AFTPH: variants seen among roughly 807,000 people sequenced by gnomAD.
The protein encoded by AFTPH is aftiphilin protein.
AFTPH carries 7 observed loss-of-function variants against 72.5 expected under a neutral mutation model. The ratio of observed to expected loss-of-function variants is 0.10; its 90% CI spans 0.05 to 0.18. The LOEUF is 0.18. Among genes scored for constraint, AFTPH ranks in the 10% least tolerant of loss-of-function variants. The pLI, the probability that AFTPH is intolerant of heterozygous loss-of-function variation, is 1.00. For missense variants in AFTPH, 979 were observed against 1,060.5 expected (o/e 0.92, Z 1.07); for synonymous variants, 337 against 370.1 (o/e 0.91, Z 1.03).
chr2:64,526,159 T>C (rs547527644), intron 1 of AFTPH, among the ~76,000 whole-genome samples: 1 of 152,342 alleles, frequency 6.6e-6, no homozygotes, highest in East Asian at 1.9e-4. Context: ...ATGTCCTTAA[T>C]AGCCTTGATA....
chr2:64,571,584 T>G (rs1672435998), intron 5 of AFTPH, among the ~76,000 whole-genome samples: 1 of 152,216 alleles, frequency 6.6e-6, no homozygotes. Flanking sequence ...GCAAACTGTT[T>G]TAGTTAGTTT....
exon 2 of AFTPH, chr2:64,552,970 A>G: frequency 3.1e-6 from 5 of 1,614,182 alleles, no homozygotes; most frequent in Non-Finnish European, 4.2e-6. Flanking sequence ...ACAAAGTCAG[A>G]CCTAAAACAG....
intron 8 of AFTPH, among the ~76,000 whole-genome samples, chr2:64,590,226 A>G (rs1018409143): frequency 4.5e-4 from 68 of 152,188 alleles, no homozygotes; most frequent in African/African-American, 1.5e-3. Context: ...AGTAGCTTAT[A>G]TAAAGATTAG....
intron 2 of AFTPH, among the ~76,000 whole-genome samples, chr2:64,559,404 G>A (rs77479442): frequency 0.051 from 7,699 of 152,216 alleles, 443 homozygotes; most frequent in African/African-American, 0.14. Context: ...AGCTGATGGT[G>A]TAGTTCCAGT....
chr2:64,540,208 C>T (rs1212385173), intron 1 of AFTPH, among the ~76,000 whole-genome samples: 1 of 152,126 alleles, frequency 6.6e-6, no homozygotes, highest in Non-Finnish European at 1.5e-5. Context: ...CTAATTTATT[C>T]TGCATCTATA....
intron 7 of AFTPH, 118 bp from the exon 8 acceptor site, chr2:64,581,072 A>G: frequency 1.6e-6 from 1 of 614,940 alleles, no homozygotes; most frequent in Non-Finnish European, 2.9e-6. Context: ...ATGTGTAATG[A>G]TTACTAATTA....
rs202120166 is a variant in AFTPH, at chr2:64,579,500, C to T, written c.2409C>T (p.Pro803=). The T allele has an allele frequency of 8.5e-5, 137 of 1,613,654 alleles. 1 individual carries two copies. In the South Asian group the frequency reaches 1.0e-3, roughly 12 times the overall value. Reference sequence around the variant, plus strand: ...TTCAACTCTAGGAGTCTCTACCACCCGTCCAGTTTGACTGGAGTAGCAGTG... The same window carrying T: ...TTCAACTCTAGGAGTCTCTACCACCTGTCCAGTTTGACTGGAGTAGCAGTG... Residue 803 remains proline, a synonymous_variant, in exon 7 of 9, where the codon CCC becomes CCT. Coordinates refer to ENST00000238856, the Ensembl canonical transcript of AFTPH.
intron 8 of AFTPH, among the ~76,000 whole-genome samples, chr2:64,586,310 C>T (rs2104241756): frequency 6.6e-6 from 1 of 152,338 alleles, no homozygotes; most frequent in South Asian, 2.1e-4. Flanking sequence ...ATCTGTGATG[C>T]ATCAGCATTT....
chr2:64,579,853 C>T (rs549757844), intron 7 of AFTPH: 31 of 239,750 alleles, frequency 1.3e-4, no homozygotes, highest in African/African-American at 5.2e-4. Context: ...GACCAATTTA[C>T]CTTGAATTTT....
intron 1 of AFTPH, among the ~76,000 whole-genome samples, chr2:64,529,165 C>T (rs1441678591): frequency 6.6e-6 from 1 of 152,192 alleles, no homozygotes; most frequent in African/African-American, 2.4e-5. Context: ...TTCCAGCTTA[C>T]TGCCTGTACC....
At chr2:64,581,638 G>T (rs1374839521) in intron 7 of AFTPH, among the ~76,000 whole-genome samples, 1 of 150,908 alleles carries the variant, frequency 6.6e-6, no homozygotes, top group Non-Finnish European at 1.5e-5. Context: ...TACAAGTTTA[G>T]AGATAGATAG....
intron 7 of AFTPH, chr2:64,581,233 C>T (rs763394025): frequency 6.2e-6 from 10 of 1,601,486 alleles, no homozygotes; most frequent in South Asian, 1.1e-5. Context: ...TCTTTGGGCC[C>T]GTGGATGACA....
chr2:64,585,878 A>G (rs547078285), intron 8 of AFTPH, among the ~76,000 whole-genome samples: 1 of 147,288 alleles, frequency 6.8e-6, no homozygotes, highest in South Asian at 2.1e-4. Flanking sequence ...TTCTCTTCAT[A>G]ATTACTGAGA....
chr2:64,548,099 A>G (rs1297844969), intron 1 of AFTPH, among the ~76,000 whole-genome samples: 1 of 145,882 alleles, frequency 6.9e-6, no homozygotes, highest in Non-Finnish European at 1.5e-5. Flanking sequence ...CTGCTTTTAA[A>G]CTTTAGAAAA....
chr2:64,564,552 T>G (rs1225724131), intron 2 of AFTPH, among the ~76,000 whole-genome samples: 1 of 151,828 alleles, frequency 6.6e-6, no homozygotes, highest in Non-Finnish European at 1.5e-5. Flanking sequence ...AGGCCAAGGT[T>G]GCAGTGAGCC....
At chr2:64,572,118 G>A (rs1672471458) in intron 5 of AFTPH, among the ~76,000 whole-genome samples, 1 of 151,814 alleles carries the variant, frequency 6.6e-6, no homozygotes. Context: ...TACTCGGGAG[G>A]CTGAGGCAGG....
chr2:64,576,212 G>A (rs1460743397), intron 6 of AFTPH, among the ~76,000 whole-genome samples: 1 of 147,180 alleles, frequency 6.8e-6, no homozygotes, highest in Non-Finnish European at 1.5e-5. Flanking sequence ...ATATATATAT[G>A]TAAATATATG....
intron 8 of AFTPH, among the ~76,000 whole-genome samples, chr2:64,586,402 C>T (rs1293265861): frequency 6.6e-6 from 1 of 152,202 alleles, no homozygotes; most frequent in Non-Finnish European, 1.5e-5. Context: ...ACATCCCAAT[C>T]ACATGTTAAA....
chr2:64,577,090 C>A (rs1056249687), intron 6 of AFTPH, among the ~76,000 whole-genome samples: 1 of 152,172 alleles, frequency 6.6e-6, no homozygotes, highest in Non-Finnish European at 1.5e-5. Context: ...ATTGGAAAGG[C>A]TAAGTGATTT....
Sources: allele counts gnomAD v4.1 joint callset (sites outside exome capture counted in the v4.1 genomes callset), GRCh38; gene constraint gnomAD v4.1.1; transcripts MANE v1.5; gene names NCBI Gene and HGNC (gene_info 2026-07-23, HGNC 2026-07-21).